DCAF11: variants seen among roughly 807,000 people sequenced by gnomAD.
DCAF11 encodes the protein DDB1- and CUL4-associated factor 11.
Under a neutral mutation model 76.1 loss-of-function variants are expected in DCAF11, and 44 were observed. The ratio of observed to expected loss-of-function variants is 0.58; its 90% confidence interval spans 0.45 to 0.74. The LOEUF is 0.74. DCAF11 is among the 30% of genes least tolerant of loss of function. The pLI is 0.00. For synonymous variants in DCAF11, 258 were observed against 255.0 expected (o/e 1.01, Z -0.11); for missense variants, 604 against 709.4 (o/e 0.85, Z 1.69).
chr14:24,117,532 C>A lies in DCAF11; in HGVS notation c.412-136C>A. On this transcript the variant is annotated intron_variant, in intron 4 of 14. Coordinates refer to ENST00000446197, the MANE Select transcript of DCAF11 (RefSeq NM_025230.5). The surrounding 1 kb of genome is among the most constrained non-coding windows in gnomAD (Gnocchi z 4.3). ...GGCTGGAGAGTTAACCAGCCTCCAT[C>A]GGAGTTCTGTGGGACAGACTATGAT... 6.6e-7 allele frequency: 1 copy of A among 1,521,602 alleles called. No homozygotes were observed. Among genetic ancestry groups the A allele is most frequent in the South Asian group, 1.2e-5 (1 of 82,460 alleles). 94.3% of individuals were successfully genotyped at this position (1,521,602 alleles called of 1,614,324 possible).
In DCAF11 at chr14:24,119,505, C is replaced by T. The variant is rs149236014; in HGVS notation, c.849-54C>T. On this transcript the variant is annotated intron_variant, in intron 9 of 14. Coordinates refer to ENST00000446197, the MANE Select transcript of DCAF11 (RefSeq NM_025230.5). ...GTGGAACTCTCTAGAGCATATACCACGTTGGTCCTCTCGATCATGGCTCCA... is the reference window on the plus strand; with the variant it reads ...GTGGAACTCTCTAGAGCATATACCATGTTGGTCCTCTCGATCATGGCTCCA... 7.6e-4 allele frequency: 1,224 copies of T among 1,601,788 alleles called. 8 individuals carry two copies. The African/African-American group carries it at 0.014, about 18-fold the overall frequency.
intron 8 of DCAF11, 49 bp from the exon 9 acceptor site, chr14:24,119,096 A>G: frequency 1.2e-6 from 2 of 1,610,082 alleles, no homozygotes; most frequent in Non-Finnish European, 1.7e-6. Flanking sequence ...TATGTAGATT[A>G]ACAAAAGCTG....
At chr14:24,120,281 A>G (rs769076513) in intron 11 of DCAF11, among the ~76,000 whole-genome samples, 1 of 151,844 alleles carries the variant, frequency 6.6e-6, no homozygotes, top group Non-Finnish European at 1.5e-5. Context: ...CTAAGGCCAG[A>G]TGCCGTGGCT....
chr14:24,117,261 C>G lies in DCAF11; in HGVS notation c.284-5C>G, dbSNP rs370086589. 6.6e-5 allele frequency: 107 copies of G among 1,614,012 alleles called. No individual in the cohort carries two copies. Among genetic ancestry groups the G allele is most frequent in the Non-Finnish European group, 8.6e-5 (102 of 1,179,996 alleles). Reference sequence around the variant, plus strand: ...TAGGATGAAACTTCTCCTTGGTACTCACAGTGGATGCTACCCCTGACACCC... The same window carrying G: ...TAGGATGAAACTTCTCCTTGGTACTGACAGTGGATGCTACCCCTGACACCC... On this transcript the variant is annotated splice_polypyrimidine_tract_variant and splice_region_variant and intron_variant, in intron 3 of 14. Transcript: ENST00000446197. This position sits in a 1 kb window ranked among gnomAD's most constrained non-coding sequence, Gnocchi z 4.3.
rs753572386 is a variant in DCAF11, at chr14:24,119,220, G to A, written c.848+7G>A. 5 of 1,614,060 alleles carry A rather than the reference G, an allele frequency of 3.1e-6. No individual in the cohort carries two copies. Among genetic ancestry groups the A allele is most frequent in the East Asian group, 4.5e-5 (2 of 44,904 alleles). On this transcript the variant is annotated splice_region_variant and intron_variant, in intron 9 of 14. Transcript: ENST00000446197. ...GACGAGAAGTACTAGGAGGGTAAGT[G>A]CTTGTGGGGTATGTTTCCCTCAATA... is the stretch of plus-strand genomic sequence containing the variant.
chr14:24,119,301 A>G (rs2037645666), intron 9 of DCAF11, 88 bp downstream of exon 9: 1 of 1,529,416 alleles, frequency 6.5e-7, no homozygotes, highest in African/African-American at 1.4e-5. Flanking sequence ...TGGCACTGGC[A>G]GCTGCAGAGA....
Position 24,117,492 on chromosome 14 carries a change from A to C in DCAF11, c.411+99A>C. On this transcript the variant is annotated intron_variant, in intron 4 of 14. Coordinates refer to ENST00000446197, the MANE Select transcript of DCAF11 (RefSeq NM_025230.5). The surrounding 1 kb of genome is among the most constrained non-coding windows in gnomAD (Gnocchi z 4.3). ...AAGGAAGTCAACTTTCCAAAGTAGA[A>C]GCCTCAAGCGCTGGGGCTGGAGAGT... The C allele has an allele frequency of 6.4e-7, 1 of 1,574,458 alleles. No individual in the cohort carries two copies. The highest frequency in any genetic ancestry group is 8.6e-7 in the Non-Finnish European group (1 of 1,158,660).
In DCAF11 at chr14:24,120,976, C is replaced by T. The variant is rs2037680882; in HGVS notation, c.1231C>T (p.Gln411Ter). The T allele has an allele frequency of 6.2e-7, 1 of 1,613,756 alleles. No homozygotes were observed. Among genetic ancestry groups the T allele is most frequent in the Non-Finnish European group, 8.5e-7 (1 of 1,179,932 alleles). ...TQQNWDYRWQ[Q>*]VPKKAWRKLK... ...GCAAAACTGGGACTATCGGTGGCAGCAAGTGCCCAAAAAAGGTGAGACTGG... is the reference window on the plus strand; with the variant it reads ...GCAAAACTGGGACTATCGGTGGCAGTAAGTGCCCAAAAAAGGTGAGACTGG... Residue 411 changes from glutamine to a stop codon, truncating the protein, a stop_gained, in exon 12 of 15, where the codon CAA becomes TAA. Transcript: ENST00000446197. LOFTEE classifies it high-confidence loss of function.
rs201970184 is a variant in DCAF11 at position 24,115,676 on chromosome 14, C to T, written c.82C>T (p.Arg28Cys). The change falls in exon 2 of 15, where the codon CGT becomes TGT. Residue 28 changes from arginine to cysteine, a missense_variant. By Grantham distance (180) the Arg-to-Cys change is radical. Coordinates refer to ENST00000446197, the MANE Select transcript of DCAF11 (RefSeq NM_025230.5). ...EGLPRRGAGL[R>C]RSEEEEEEDE... is the part of the protein sequence containing the mutation. ...CTTGCCCCGAAGAGGGGCTGGCCTG[C>T]GTCGGAGTGAGGAAGAGGAAGAAGA... is the stretch of plus-strand genomic sequence containing the variant. 6 of 1,613,674 alleles carry T rather than the reference C, an allele frequency of 3.7e-6. No individual in the cohort carries two copies. The highest frequency in any genetic ancestry group is 2.7e-5 in the African/African-American group (2 of 75,060).
intron 5 of DCAF11, 24 bp from the exon 6 acceptor site, chr14:24,118,031 C>T: frequency 6.5e-7 from 1 of 1,545,070 alleles, no homozygotes; most frequent in African/African-American, 1.4e-5. Context: ...ACCCCTCACC[C>T]TCACTTTCTC....
chr14:24,119,522 A>G (rs1272294430), intron 9 of DCAF11, 37 bp from the exon 10 acceptor site: 2 of 1,612,748 alleles, frequency 1.2e-6, no homozygotes, highest in African/African-American at 2.7e-5. Flanking sequence ...CCTCTCGATC[A>G]TGGCTCCAGG....
Position 24,117,051 on chromosome 14 carries a change from G to A in DCAF11, c.283+7G>A, listed in dbSNP as rs1215099129. On this transcript the variant is annotated splice_region_variant and intron_variant, in intron 3 of 14. Transcript: ENST00000446197. This position sits in a 1 kb window ranked among gnomAD's most constrained non-coding sequence, Gnocchi z 4.3. ...GATCGATACAACCCACCTGGTAAGA[G>A]GAAAAGCCCCTAATGTTGGAAGACT... is the stretch of plus-strand genomic sequence containing the variant. The A allele has an allele frequency of 6.2e-7, 1 of 1,614,174 alleles. No homozygotes were observed. The highest frequency in any genetic ancestry group is 1.3e-5 in the African/African-American group (1 of 75,044).
rs1429262176 is a variant in DCAF11 at position 24,117,157 on chromosome 14, C to T, written c.284-109C>T. The T allele has an allele frequency of 5.0e-6, 8 of 1,603,086 alleles. No homozygotes were observed. The highest frequency in any genetic ancestry group is 5.1e-6 in the Non-Finnish European group (6 of 1,173,188). On this transcript the variant is annotated intron_variant, in intron 3 of 14. Transcript: ENST00000446197. This position sits in a 1 kb window ranked among gnomAD's most constrained non-coding sequence, Gnocchi z 4.3. The stretch of plus-strand genomic sequence containing the variant: ...TACGATAATTTAAGGAATAAGGAGT[C>T]CTTACAGCCCCAGTATATTCAGCCA...
intron 13 of DCAF11, 120 bp downstream of exon 13, chr14:24,121,637 CTT>C: frequency 1.7e-6 from 2 of 1,175,274 alleles, no homozygotes. Context: ...TAAAATCAAA[CTT>C]AGCTTGGAGG....
Position 24,123,527 on chromosome 14 carries a change from T to C in DCAF11, c.*218T>C. On this transcript the variant is annotated 3_prime_UTR_variant, in exon 15 of 15. Coordinates refer to ENST00000446197, the MANE Select transcript of DCAF11 (RefSeq NM_025230.5). ...CACCCAGTCAGCTTGGGTCCCTATC[T>C]CTGGCCAGAGTTTGGCAGGACTGCC... 1.6e-6 allele frequency: 1 copy of C among 620,876 alleles called. No individual in the cohort carries two copies. The highest frequency in any genetic ancestry group is 2.4e-6 in the Non-Finnish European group (1 of 415,612). The allele number at this position is 620,876 out of a possible 1,614,324, so 38.5% of individuals were successfully genotyped here.
At position 24,114,955 on chromosome 14, in the gene DCAF11, C is replaced by T. The variant is rs777247602; in HGVS notation, c.-552C>T. ...TGGTCTCGCGTGGGGCGGTTACCGC[C>T]GGCTTCAGTGGGAGGTGCTTCTCGG... On this transcript the variant is annotated 5_prime_UTR_variant, in exon 1 of 15. Transcript: ENST00000446197. 250 of 985,910 alleles carry T rather than the reference C, an allele frequency of 2.5e-4. No individual in the cohort carries two copies. Among genetic ancestry groups the T allele is most frequent in the Non-Finnish European group, 3.0e-4 (245 of 830,028 alleles). 61.1% of individuals were successfully genotyped at this position (985,910 alleles called of 1,614,324 possible).
In DCAF11 at chr14:24,117,164, G is replaced by A; in HGVS notation, c.284-102G>A. ...ATTTAAGGAATAAGGAGTCCTTACA[G>A]CCCCAGTATATTCAGCCACAGGGGT... is the stretch of plus-strand genomic sequence containing the variant. On this transcript the variant is annotated intron_variant, in intron 3 of 14. Transcript: ENST00000446197. This position sits in a 1 kb window ranked among gnomAD's most constrained non-coding sequence, Gnocchi z 4.3. 1.2e-6 allele frequency: 2 copies of A among 1,601,590 alleles called. No individual in the cohort carries two copies. The highest frequency in any genetic ancestry group is 1.1e-5 in the South Asian group (1 of 89,902).
At chr14:24,120,296 C>T (rs866699121) in intron 11 of DCAF11, among the ~76,000 whole-genome samples, 48 of 151,944 alleles carry the variant, frequency 3.2e-4, no homozygotes, top group African/African-American at 1.1e-3. Context: ...GTGGCTCATG[C>T]CTGTAATCCC....
In DCAF11 at chr14:24,119,198, G is replaced by A. The variant is rs554147000; in HGVS notation, c.833G>A (p.Arg278Gln). The A allele has an allele frequency of 8.1e-6, 13 of 1,614,196 alleles. No homozygotes were observed. In the East Asian group the frequency reaches 1.6e-4, roughly 19 times the overall value. ...TCCATTGCTGTCTCCTCAGATGGAC[G>A]AGAAGTACTAGGAGGGTAAGTGCTT... ...VFSIAVSSDG[R>Q]EVLGGANDGC... is the part of the protein sequence containing the mutation. The change falls in exon 9 of 15, where the codon CGA becomes CAA. Residue 278 changes from arginine (R) to glutamine (Q), a missense_variant. By Grantham distance (43) the Arg-to-Gln change is conservative. Coordinates refer to ENST00000446197, the MANE Select transcript of DCAF11 (RefSeq NM_025230.5).
Sources: allele counts gnomAD v4.1 joint callset (sites outside exome capture counted in the v4.1 genomes callset), GRCh38; gene constraint gnomAD v4.1.1; non-coding constraint Gnocchi (gnomAD v3.1); transcripts MANE v1.5; gene names NCBI Gene and HGNC (gene_info 2026-07-23, HGNC 2026-07-21).